The following ADGRE1 variants were observed in gnomAD, a reference collection of about 807,000 sequenced individuals.
The protein encoded by ADGRE1 is EGF-like module receptor 1.
In ADGRE1, 82 loss-of-function variants were observed where a neutral mutation model predicts 102.7. The ratio of observed to expected loss-of-function variants is 0.80; its 90% confidence interval spans 0.67 to 0.96. The LOEUF is 0.96. Ranked by LOEUF, ADGRE1 falls within the 40% of genes least tolerant of loss-of-function variation. ADGRE1 has a pLI of 0.00. For missense variants in ADGRE1, 1,032 were observed against 1,085.3 expected (o/e 0.95, Z 0.69); for synonymous variants, 398 against 399.6 (o/e 1.00, Z 0.05).
At chr19:6,926,715 G>A (rs574140408) in intron 16 of ADGRE1, 114 bp downstream of exon 16, 205 of 1,092,442 alleles carry the variant, frequency 1.9e-4, no homozygotes, top group South Asian at 6.6e-4. Flanking sequence ...ACCATTTATC[G>A]AGCTCTTCTA....
chr19:6,932,336 T>C (rs1341373269), intron 17 of ADGRE1, among the ~76,000 whole-genome samples: 1 of 151,902 alleles, frequency 6.6e-6, no homozygotes, highest in East Asian at 1.9e-4. Flanking sequence ...GGCGTGGTGG[T>C]GCACGCCTGT....
chr19:6,915,916 G>A (rs528668525), intron 11 of ADGRE1, among the ~76,000 whole-genome samples: 29 of 63,352 alleles, frequency 4.6e-4, no homozygotes, highest in South Asian at 8.5e-4. Context: ...GTGAGACTCC[G>A]TCTCAAAAAA....
At chr19:6,910,957 T>C (rs1055085432) in intron 10 of ADGRE1, among the ~76,000 whole-genome samples, 2 of 152,180 alleles carry the variant, frequency 1.3e-5, no homozygotes, top group Admixed American at 6.5e-5. Context: ...ACTAAGGATG[T>C]TTAGTTTGCC....
At chr19:6,913,313 G>T (rs1974264889) in intron 10 of ADGRE1, among the ~76,000 whole-genome samples, 1 of 152,118 alleles carries the variant, frequency 6.6e-6, no homozygotes, top group South Asian at 2.1e-4. Flanking sequence ...CAAGTAGCTA[G>T]GATTACTGGC....
chr19:6,916,403 G>A, intron 12 of ADGRE1, 35 bp downstream of exon 12: 2 of 1,594,222 alleles, frequency 1.3e-6, no homozygotes, highest in East Asian at 2.3e-5. Context: ...AGGTTATGGT[G>A]TATTCCATCA....
chr19:6,913,011 T>A (rs1974255194), intron 10 of ADGRE1, among the ~76,000 whole-genome samples: 1 of 152,164 alleles, frequency 6.6e-6, no homozygotes, highest in South Asian at 2.1e-4. Flanking sequence ...CATAGCTCAC[T>A]GCAGCCTTGA....
intron 16 of ADGRE1, among the ~76,000 whole-genome samples, chr19:6,927,822 C>A (rs115152172): frequency 0.015 from 2,258 of 152,046 alleles, 37 homozygotes; most frequent in African/African-American, 0.043. Flanking sequence ...ACCCCACGCC[C>A]GGCCTGAGCT....
At chr19:6,916,060 C>T (rs1385973751) in intron 11 of ADGRE1, among the ~76,000 whole-genome samples, 189 bp from the exon 12 acceptor site, 1 of 151,922 alleles carries the variant, frequency 6.6e-6, no homozygotes, top group Non-Finnish European at 1.5e-5. Context: ...AGCTGGGTTA[C>T]TCATTTATTT....
intron 14 of ADGRE1, among the ~76,000 whole-genome samples, chr19:6,922,401 G>A (rs552372661): frequency 9.9e-4 from 151 of 151,918 alleles, no homozygotes; most frequent in African/African-American, 3.5e-3. Context: ...GGATCATGAG[G>A]TCAAGAGATC....
chr19:6,916,319 G>A lies in ADGRE1; in HGVS notation c.1371G>A (p.Gly457=). 2 of 1,613,528 alleles carry A rather than the reference G, an allele frequency of 1.2e-6. No homozygotes were observed. Among genetic ancestry groups the A allele is most frequent in the African/African-American group, 1.3e-5 (1 of 75,018 alleles). The change falls in exon 12 of 21, where the codon GGG becomes GGA. Residue 457 remains glycine (G), a synonymous_variant. Coordinates refer to ENST00000312053, the MANE Select transcript of ADGRE1 (RefSeq NM_001974.5). ...TGACGTTGGACTTGGTAGCCAAGGGGGATAAGATGAAGATCGGGTGTTCCA... is the reference window on the plus strand; with the variant it reads ...TGACGTTGGACTTGGTAGCCAAGGGAGATAAGATGAAGATCGGGTGTTCCA... ...ENVTLDLVAK[G]DKMKIGCSTI...
At chr19:6,920,810 T>A (rs991313656) in intron 13 of ADGRE1, among the ~76,000 whole-genome samples, 2 of 151,874 alleles carry the variant, frequency 1.3e-5, no homozygotes, top group African/African-American at 4.8e-5. Context: ...GTGCCCACCC[T>A]TCTAGGATAC....
At chr19:6,917,065 T>C (rs2144964064) in intron 12 of ADGRE1, among the ~76,000 whole-genome samples, 1 of 152,332 alleles carries the variant, frequency 6.6e-6, no homozygotes, top group South Asian at 2.1e-4. Context: ...ATACAGCCTC[T>C]ATCACAATGA....
At chr19:6,903,180 G>T (rs956641955) in intron 6 of ADGRE1, among the ~76,000 whole-genome samples, 18 of 152,194 alleles carry the variant, frequency 1.2e-4, no homozygotes, top group Admixed American at 6.5e-4. Flanking sequence ...CTAGGGAAGG[G>T]GTAGTAACTT....
chr19:6,906,910 A>G (rs1401736023), intron 9 of ADGRE1, among the ~76,000 whole-genome samples: 4 of 152,152 alleles, frequency 2.6e-5, no homozygotes, highest in Non-Finnish European at 5.9e-5. Context: ...CCTAGCTGCA[A>G]GGGAAGCTGG....
In ADGRE1 at chr19:6,920,959, A is replaced by G. The variant is rs112414361; in HGVS notation, c.1621-754A>G. On this transcript the variant is annotated intron_variant, in intron 13 of 20. Transcript: ENST00000312053. ...TTCTCATGTCTCCTGTAAACAGCAC[A>G]GATCAAGGCATGTAATAGGTGTTCA... Among the ~76,000 whole-genome samples, 255 of 152,298 alleles carry G rather than the reference A, an allele frequency of 1.7e-3. 2 individuals carry two copies. The highest frequency in any genetic ancestry group is 5.9e-3 in the African/African-American group (246 of 41,568).
chr19:6,902,094 G>A, intron 6 of ADGRE1, 73 bp downstream of exon 6: 1 of 1,563,938 alleles, frequency 6.4e-7, no homozygotes, highest in Non-Finnish European at 8.7e-7. Flanking sequence ...GATTAGGGTG[G>A]GTCTTGGTTG....
chr19:6,928,990 C>G (rs1284533125), intron 17 of ADGRE1, among the ~76,000 whole-genome samples: 1 of 151,380 alleles, frequency 6.6e-6, no homozygotes, highest in Non-Finnish European at 1.5e-5. Flanking sequence ...CTTGAGATTT[C>G]GAAGTTACAG....
At chr19:6,914,545 C>T (rs1482064859) in intron 11 of ADGRE1, among the ~76,000 whole-genome samples, 2 of 152,176 alleles carry the variant, frequency 1.3e-5, no homozygotes, top group African/African-American at 4.8e-5. Flanking sequence ...GTAGTAGTTC[C>T]AGTATCATTC....
At chr19:6,921,364 G>C in intron 13 of ADGRE1, among the ~76,000 whole-genome samples, 2 of 152,166 alleles carry the variant, frequency 1.3e-5, no homozygotes, top group Non-Finnish European at 2.9e-5. Context: ...AGAGGTTGCA[G>C]CGAGCCGAGA....
Sources: gnomAD v4.1 joint callset for allele counts (sites outside exome capture counted in the v4.1 genomes callset) on GRCh38, gnomAD v4.1.1 for gene constraint, MANE v1.5 for transcripts, NCBI Gene and HGNC (gene_info 2026-07-23, HGNC 2026-07-21) for gene names.